PCDHGA2: variants seen among roughly 807,000 people sequenced by gnomAD.
PCDHGA2 encodes protocadherin gamma subfamily A, 2.
A neutral mutation model predicts 59.2 loss-of-function variants in PCDHGA2; 40 were observed. That is an observed-to-expected ratio of 0.68 (90% CI 0.52 to 0.88). PCDHGA2 has a LOEUF of 0.88. PCDHGA2 is among the 40% of genes least tolerant of loss of function. PCDHGA2 has a pLI of 0.00. For synonymous variants in PCDHGA2, 560 were observed against 526.0 expected (o/e 1.06, Z -0.89); for missense variants, 1,226 against 1,204.0 (o/e 1.02, Z -0.27).
intron 1 of PCDHGA2, chr5:141,375,222 G>T: frequency 6.2e-7 from 1 of 1,613,926 alleles, no homozygotes; most frequent in Non-Finnish European, 8.5e-7. Flanking sequence ...GGCCTGAATG[G>T]CCTGGTAACC....
At chr5:141,374,307 T>A in intron 1 of PCDHGA2, 1 of 1,613,922 alleles carries the variant, frequency 6.2e-7, no homozygotes, top group Non-Finnish European at 8.5e-7. Context: ...ATGCAGCTTT[T>A]CTCTCTGAAT....
In PCDHGA2 at chr5:141,432,126, C is replaced by G. The variant is rs750150518; in HGVS notation, c.2425-62681C>G. 12 of 1,614,026 alleles carry G rather than the reference C, an allele frequency of 7.4e-6. No homozygotes were observed. Among genetic ancestry groups the G allele is most frequent in the South Asian group, 4.4e-5 (4 of 91,062 alleles). On this transcript the variant is annotated intron_variant, in intron 1 of 3. Transcript: ENST00000394576. The surrounding 1 kb of genome is among the most constrained non-coding windows in gnomAD (Gnocchi z 6.0). ...AACCCGCCGGTCTTCCCTCAGGCCT[C>G]CTATTCCGCTTATATCCCAGAGAAC...
chr5:141,363,158 A>G (rs1432648043), intron 1 of PCDHGA2, among the ~76,000 whole-genome samples: 1 of 152,238 alleles, frequency 6.6e-6, no homozygotes, highest in Non-Finnish European at 1.5e-5. Context: ...GTGAGAAATC[A>G]TTCTCTAACA....
At chr5:141,393,166 G>A in intron 1 of PCDHGA2, 2 of 1,613,244 alleles carry the variant, frequency 1.2e-6, no homozygotes, top group Non-Finnish European at 1.7e-6. Flanking sequence ...AAACTCTTTG[G>A]GGTAGAAATA....
At position 141,399,438 on chromosome 5, in the gene PCDHGA2, T is replaced by G; in HGVS notation, c.2424+58043T>G. 3 of 1,613,996 alleles carry G rather than the reference T, an allele frequency of 1.9e-6. No individual in the cohort carries two copies. The South Asian group carries it at 3.3e-5, about 18-fold the overall frequency. On this transcript the variant is annotated intron_variant, in intron 1 of 3. Transcript: ENST00000394576. The stretch of plus-strand genomic sequence containing the variant: ...CCTCCAGCATAAGCGTCATCCTACA[T>G]ATCAGAGACGTCAACGATAACGCTC...
At chr5:141,446,642 A>T (rs939365233) in intron 1 of PCDHGA2, among the ~76,000 whole-genome samples, 2 of 151,970 alleles carry the variant, frequency 1.3e-5, no homozygotes, top group Admixed American at 1.3e-4. Flanking sequence ...ACGCCTGGCT[A>T]ATTTTTGTAT....
intron 1 of PCDHGA2, among the ~76,000 whole-genome samples, chr5:141,494,146 T>C (rs1167835696): frequency 1.3e-5 from 2 of 152,168 alleles, no homozygotes; most frequent in Non-Finnish European, 2.9e-5. Context: ...TCACAGACCA[T>C]TGTCTGGCAC....
chr5:141,370,217 G>A, intron 1 of PCDHGA2: 2 of 562,852 alleles, frequency 3.6e-6, no homozygotes, highest in East Asian at 5.9e-5. Context: ...GGCTCCTCCC[G>A]CTGCAGCCAG....
chr5:141,472,132 A>C (rs1004365239), intron 1 of PCDHGA2, among the ~76,000 whole-genome samples: 3 of 152,272 alleles, frequency 2.0e-5, no homozygotes, highest in African/African-American at 7.2e-5. Flanking sequence ...GAGAAGTTAA[A>C]AATAAAAGTT....
chr5:141,487,340 G>A lies in PCDHGA2; in HGVS notation c.2425-7467G>A, dbSNP rs2099643329. 6.2e-7 allele frequency: 1 copy of A among 1,614,182 alleles called. No individual in the cohort carries two copies. Among genetic ancestry groups the A allele is most frequent in the Admixed American group, 1.7e-5 (1 of 60,024 alleles). The stretch of plus-strand genomic sequence containing the variant: ...GTGTCTTCGTGGGGCAGCCTGTGGA[G>A]TCACATGCTTTCCTGCTGGCACCTG... On this transcript the variant is annotated intron_variant, in intron 1 of 3. Coordinates refer to ENST00000394576, the MANE Select transcript of PCDHGA2 (RefSeq NM_018915.4). This position sits in a 1 kb window ranked among gnomAD's most constrained non-coding sequence, Gnocchi z 5.0.
chr5:141,341,097 T>C lies in PCDHGA2; in HGVS notation c.2126T>C (p.Ile709Thr), dbSNP rs1005788493. The C allele has an allele frequency of 6.2e-7, 1 of 1,614,220 alleles. No homozygotes were observed. Among genetic ancestry groups the C allele is most frequent in the Non-Finnish European group, 8.5e-7 (1 of 1,180,040 alleles). ...AVSCVFLAFV[I>T]VLLAHRLRRW... ...TCCTGCGTCTTCCTGGCCTTCGTCA[T>C]CGTGTTGCTGGCGCACAGGCTGCGG... The change falls in exon 1 of 4, where the codon ATC becomes ACC. Residue 709 changes from isoleucine (I) to threonine (T), a missense_variant. By Grantham distance (89) the Ile-to-Thr change is moderately conservative (BLOSUM62 -1). Transcript: ENST00000394576.
Position 141,491,586 on chromosome 5 carries a change from G to T in PCDHGA2, c.2425-3221G>T, listed in dbSNP as rs373990387. ...ACAGGACGTGCTTTTCACCGGCCTC[G>T]GACGGCAGTGACTTCACTTTTCTAA... On this transcript the variant is annotated intron_variant, in intron 1 of 3. Transcript: ENST00000394576. This position sits in a 1 kb window ranked among gnomAD's most constrained non-coding sequence, Gnocchi z 6.9. 2.1e-5 allele frequency: 34 copies of T among 1,613,792 alleles called. No individual in the cohort carries two copies. In the African/African-American group the frequency reaches 2.4e-4, roughly 11 times the overall value.
chr5:141,420,934 C>T, intron 1 of PCDHGA2: 1 of 377,936 alleles, frequency 2.6e-6, no homozygotes, highest in South Asian at 5.3e-5. Context: ...TGAGCGTAAT[C>T]ATTTCTTCTG....
At position 141,352,535 on chromosome 5, in the gene PCDHGA2, A is replaced by G. The variant is rs562907708; in HGVS notation, c.2424+11140A>G. 1.3e-4 allele frequency: 206 copies of G among 1,613,846 alleles called. No individual in the cohort carries two copies. The highest frequency in any genetic ancestry group is 5.3e-4 in the Admixed American group (32 of 59,996). Reference sequence around the variant, plus strand: ...ATGTATTGCCTCTCATTCTGCAAAGACAGAGTTTAATTCTCTCAACCTGAC... The same window carrying G: ...ATGTATTGCCTCTCATTCTGCAAAGGCAGAGTTTAATTCTCTCAACCTGAC... On this transcript the variant is annotated intron_variant, in intron 1 of 3. Transcript: ENST00000394576.
chr5:141,369,608 T>G (rs1266511682), intron 1 of PCDHGA2, among the ~76,000 whole-genome samples: 1 of 152,214 alleles, frequency 6.6e-6, no homozygotes, highest in Non-Finnish European at 1.5e-5. Flanking sequence ...TTTTATAAGG[T>G]CAATCATTTC....
At chr5:141,409,437 G>A in intron 1 of PCDHGA2, 1 of 1,613,968 alleles carries the variant, frequency 6.2e-7, no homozygotes, top group Non-Finnish European at 8.5e-7. Context: ...GCCCTGGACC[G>A]AGAGCAGACA....
intron 1 of PCDHGA2, chr5:141,345,024 G>A (rs72790006): frequency 1.9e-6 from 3 of 1,613,938 alleles, no homozygotes; most frequent in Non-Finnish European, 1.7e-6. Flanking sequence ...TCTTTCAAGA[G>A]CCAAGATTCT....
At position 141,489,083 on chromosome 5, in the gene PCDHGA2, T is replaced by G; in HGVS notation, c.2425-5724T>G. On this transcript the variant is annotated intron_variant, in intron 1 of 3. Coordinates refer to ENST00000394576, the MANE Select transcript of PCDHGA2 (RefSeq NM_018915.4). This position sits in a 1 kb window ranked among gnomAD's most constrained non-coding sequence, Gnocchi z 4.5. ...CCTCCCCCCTGCCCACCCCCGCCACTCGGTGACTAAGAACTGCTGCAAGCA... is the reference window on the plus strand; with the variant it reads ...CCTCCCCCCTGCCCACCCCCGCCACGCGGTGACTAAGAACTGCTGCAAGCA... The G allele has an allele frequency of 1.2e-5, 2 of 172,008 alleles. No individual in the cohort carries two copies. Among genetic ancestry groups the G allele is most frequent in the Non-Finnish European group, 2.1e-5 (2 of 94,012 alleles). The allele number at this position is 172,008 out of a possible 1,614,324, so 10.7% of individuals were successfully genotyped here. A position where few individuals can be genotyped will look rare whatever the true frequency, so the allele number is the denominator to read the frequency against.
At position 141,432,669 on chromosome 5, in the gene PCDHGA2, C is replaced by T. The variant is rs777314784; in HGVS notation, c.2425-62138C>T. ...GCGCGAGCCCTGCTGGACAGAGACG[C>T]GCTCAAGCAGAGCCTCGTAGTGGCC... On this transcript the variant is annotated intron_variant, in intron 1 of 3. Transcript: ENST00000394576. This position sits in a 1 kb window ranked among gnomAD's most constrained non-coding sequence, Gnocchi z 6.0. 1 of 1,613,894 alleles carries T rather than the reference C, an allele frequency of 6.2e-7. No homozygotes were observed.
Sources: gnomAD v4.1 joint callset for allele counts (sites outside exome capture counted in the v4.1 genomes callset) on GRCh38, gnomAD v4.1.1 for gene constraint, Gnocchi (gnomAD v3.1) non-coding constraint, MANE v1.5 for transcripts, NCBI Gene and HGNC (gene_info 2026-07-23, HGNC 2026-07-21) for gene names.